The following SLCO1C1 variants were observed in gnomAD, a reference collection of about 807,000 sequenced individuals.
The protein encoded by SLCO1C1 is OAT-RP-5.
SLCO1C1 carries 70 observed loss-of-function variants against 76.4 expected under a neutral mutation model. The observed-to-expected ratio is 0.92, with a 90% CI of 0.76 to 1.12. The LOEUF (loss-of-function observed/expected upper bound fraction) is 1.12, where lower values mean the gene tolerates loss of function less well. SLCO1C1 is among the 50% of genes most tolerant of loss of function. The pLI is 0.00. For synonymous variants in SLCO1C1, 306 were observed against 286.1 expected, an observed-to-expected ratio of 1.07 and a Z score of -0.70; for missense variants, 912 against 823.8, an observed-to-expected ratio of 1.11 and a Z score of -1.31.
At chr12:20,742,595 A>C (rs1829001) in intron 12 of SLCO1C1, among the ~76,000 whole-genome samples, 2 of 151,504 alleles carry the variant, frequency 1.3e-5, no homozygotes, top group African/African-American at 4.8e-5. Flanking sequence ...GGGCAGTGGC[A>C]CAATCTCGGC....
At chr12:20,750,593 AAAGT>A in intron 13 of SLCO1C1, 78 bp from the exon 14 acceptor site, 4 of 1,269,226 alleles carry the variant, frequency 3.2e-6, no homozygotes, top group Non-Finnish European at 4.5e-6. Context: ...TAATTAGATT[AAAGT>A]AAGTGGTTTC....
At chr12:20,710,195 CTTTTCT>C (rs1322107161) in intron 4 of SLCO1C1, among the ~76,000 whole-genome samples, 1 of 125,176 alleles carries the variant, frequency 8.0e-6, no homozygotes, top group African/African-American at 3.6e-5. Flanking sequence ...CAGTTCTCTA[CTTTTCT>C]TTTTTTTTTT....
At chr12:20,722,973 A>T in intron 8 of SLCO1C1, 117 bp from the exon 9 acceptor site, 1 of 837,474 alleles carries the variant, frequency 1.2e-6, no homozygotes, top group Non-Finnish European at 1.9e-6. Flanking sequence ...CCACACTGTG[A>T]CTACTCCCAA....
At chr12:20,738,305 A>T (rs544889382) in intron 11 of SLCO1C1, among the ~76,000 whole-genome samples, 1 of 152,132 alleles carries the variant, frequency 6.6e-6, no homozygotes, top group Non-Finnish European at 1.5e-5. Flanking sequence ...TCCTGTCCCA[A>T]ACAGACTCTT....
chr12:20,749,094 C>A (rs1949176621), intron 13 of SLCO1C1, among the ~76,000 whole-genome samples: 2 of 151,976 alleles, frequency 1.3e-5, no homozygotes, highest in South Asian at 2.1e-4. Flanking sequence ...TTTAGGTAAA[C>A]CTTTACATAG....
In SLCO1C1 at chr12:20,737,114, C is replaced by A; in HGVS notation, c.1390C>A (p.Pro464Thr). 1 of 1,518,916 alleles carries A rather than the reference C, an allele frequency of 6.6e-7. No homozygotes were observed. Among genetic ancestry groups the A allele is most frequent in the Non-Finnish European group, 8.8e-7 (1 of 1,141,470 alleles). The allele number at this position is 1,518,916 out of a possible 1,614,324, so 94.1% of individuals were successfully genotyped here. A position where few individuals can be genotyped will look rare whatever the true frequency, so the allele number is the denominator to read the frequency against. Reference protein sequence around the residue: ...GLTVSYQGTKPVSYHERALFS... With the variant: ...GLTVSYQGTKTVSYHERALFS... ...TGTTATATTTCTTTTCAGAACCAAA[C>A]CTGTCTCTTATCATGAACGAGCTCT... Residue 464 changes from proline (P) to threonine (T), a missense_variant, in exon 11 of 15, where the codon CCT becomes ACT. Pro to Thr is a conservative substitution (Grantham distance 38). Coordinates refer to ENST00000266509, the MANE Select transcript of SLCO1C1 (RefSeq NM_017435.5).
At position 20,740,200 on chromosome 12, in the gene SLCO1C1, C is replaced by A. The variant is rs761738109; in HGVS notation, c.1565C>A (p.Thr522Asn). Residue 522 changes from threonine to asparagine, a missense_variant, in exon 12 of 15, where the codon ACT becomes AAT. Transcript: ENST00000266509. Reference protein sequence around the residue: ...SGKNIIFYNCTCVGIAASKSG... With the variant: ...SGKNIIFYNCNCVGIAASKSG... ...GTGTTACAGATATTTTACAACTGCA[C>A]TTGTGTGGGAATTGCAGCTTCTAAA... is the stretch of plus-strand genomic sequence containing the variant. 1.2e-6 allele frequency: 2 copies of A among 1,611,152 alleles called. No individual in the cohort carries two copies. Among genetic ancestry groups the A allele is most frequent in the Admixed American group, 1.7e-5 (1 of 59,298 alleles).
chr12:20,711,930 A>G (rs1356462011), intron 5 of SLCO1C1, among the ~76,000 whole-genome samples: 1 of 152,180 alleles, frequency 6.6e-6, no homozygotes, highest in Non-Finnish European at 1.5e-5. Flanking sequence ...ATTTGTCCGC[A>G]ACCTCCCTTT....
chr12:20,729,191 A>C (rs1468338956), intron 9 of SLCO1C1, among the ~76,000 whole-genome samples: 1 of 152,164 alleles, frequency 6.6e-6, no homozygotes, highest in African/African-American at 2.4e-5. Context: ...ATATGATGTG[A>C]AGGAAATTTT....
intron 4 of SLCO1C1, among the ~76,000 whole-genome samples, chr12:20,708,046 T>G (rs1565503701): frequency 6.6e-6 from 1 of 152,214 alleles, no homozygotes; most frequent in Non-Finnish European, 1.5e-5. Flanking sequence ...TCTTCCTTCA[T>G]GAAGCTTGCT....
chr12:20,740,455 G>T, intron 12 of SLCO1C1, 87 bp downstream of exon 12: 3 of 1,222,748 alleles, frequency 2.5e-6, no homozygotes, highest in East Asian at 5.0e-5. Context: ...TGGAGTCTAT[G>T]ATTCCTCTTA....
rs562964458 is a variant in SLCO1C1, at chr12:20,701,218, GTTCT to G, written c.130-97_130-94del. On this transcript the variant is annotated intron_variant, in intron 2 of 14. Coordinates refer to ENST00000266509, the MANE Select transcript of SLCO1C1 (RefSeq NM_017435.5). ...GATAATAAAGTTGATATTATACATT[GTTCT>G]TTGTTGTTTGTTTTGTATTTGTTTG... 4.9e-5 allele frequency: 58 copies of G among 1,187,274 alleles called. No individual in the cohort carries two copies. In the African/African-American group the frequency reaches 8.7e-4, roughly 18 times the overall value. 73.5% of individuals were successfully genotyped at this position (1,187,274 alleles called of 1,614,324 possible).
At chr12:20,739,648 G>A (rs948242547) in intron 11 of SLCO1C1, among the ~76,000 whole-genome samples, 8 of 152,152 alleles carry the variant, frequency 5.3e-5, no homozygotes, top group Non-Finnish European at 1.0e-4. Context: ...TGAATGGTGA[G>A]ATTAGAGTGG....
At chr12:20,736,726 A>T (rs11045423) in intron 10 of SLCO1C1, among the ~76,000 whole-genome samples, 66,914 of 152,000 alleles carry the variant, frequency 0.44, 17,340 homozygotes, top group South Asian at 0.64. Context: ...CAACACACAC[A>T]CACACCCCAC....
chr12:20,733,368 A>T (rs1212101281), intron 10 of SLCO1C1, among the ~76,000 whole-genome samples: 3 of 152,222 alleles, frequency 2.0e-5, no homozygotes, highest in Admixed American at 6.5e-5. Context: ...GAAAAACAAC[A>T]TGATAGCAGA....
intron 13 of SLCO1C1, among the ~76,000 whole-genome samples, chr12:20,747,228 C>T (rs192022585): frequency 3.7e-4 from 56 of 152,048 alleles, no homozygotes; most frequent in African/African-American, 9.9e-4. Flanking sequence ...AGTTCGAGAC[C>T]AGCCTGGCTA....
chr12:20,714,112 C>CT (rs1394365213), intron 5 of SLCO1C1, among the ~76,000 whole-genome samples: 1 of 152,172 alleles, frequency 6.6e-6, no homozygotes, highest in Non-Finnish European at 1.5e-5. Flanking sequence ...GCAAAGGAGT[C>CT]TTTTCTGTTA....
intron 12 of SLCO1C1, among the ~76,000 whole-genome samples, chr12:20,740,818 T>TATATATA (rs1565541864): frequency 5.6e-5 from 7 of 124,950 alleles, no homozygotes; most frequent in Non-Finnish European, 6.9e-5. Context: ...TATATATATA[T>TATATATA]GGCTTTATCT....
At position 20,701,320 on chromosome 12, in the gene SLCO1C1, G is replaced by A. The variant is rs1240018927; in HGVS notation, c.132G>A (p.Val44=). Reference sequence around the variant, plus strand: ...GTGTGACCTGTCATATTTTCCAGGTGTTCTTGTGTGCCTTGTCTTTTGTTT... The same window carrying A: ...GTGTGACCTGTCATATTTTCCAGGTATTCTTGTGTGCCTTGTCTTTTGTTT... The part of the protein sequence containing the change: ...EKQPCCGELK[V]FLCALSFVYF... The change falls in exon 3 of 15, where the codon GTG becomes GTA. Residue 44 remains valine (V), a splice_region_variant and synonymous_variant. Transcript: ENST00000266509. The A allele has an allele frequency of 6.6e-7, 1 of 1,504,400 alleles. No individual in the cohort carries two copies. The highest frequency in any genetic ancestry group is 1.3e-5 in the South Asian group (1 of 75,528). The allele number at this position is 1,504,400 out of a possible 1,614,324, so 93.2% of individuals were successfully genotyped here.
Sources: gnomAD v4.1 joint callset for allele counts (sites outside exome capture counted in the v4.1 genomes callset) on GRCh38, gnomAD v4.1.1 for gene constraint, MANE v1.5 for transcripts, NCBI Gene and HGNC (gene_info 2026-07-23, HGNC 2026-07-21) for gene names.